NELL1: variants seen among roughly 807,000 people sequenced by gnomAD.
The protein encoded by NELL1 is protein kinase C-binding protein NELL1.
A neutral mutation model predicts 107.4 loss-of-function variants in NELL1; 76 were observed. The observed-to-expected ratio is 0.71, with a 90% CI of 0.59 to 0.86. The LOEUF (loss-of-function observed/expected upper bound fraction) is 0.86, where lower values mean the gene tolerates loss of function less well. NELL1 is among the 40% of genes least tolerant of loss of function. The pLI is 0.00. For synonymous variants in NELL1, 353 were observed against 341.2 expected, an observed-to-expected ratio of 1.03 and a Z score of -0.38; for missense variants, 1,024 against 1,005.5, an observed-to-expected ratio of 1.02 and a Z score of -0.25.
At chr11:20,844,025 A>G (rs1287435799) in intron 3 of NELL1, among the ~76,000 whole-genome samples, 1 of 152,206 alleles carries the variant, frequency 6.6e-6, no homozygotes, top group African/African-American at 2.4e-5. Flanking sequence ...TTTTGTGTTC[A>G]AGGTCTTGGG....
At chr11:21,196,244 C>T (rs1382678009) in intron 13 of NELL1, among the ~76,000 whole-genome samples, 2 of 152,132 alleles carry the variant, frequency 1.3e-5, no homozygotes, top group Admixed American at 6.6e-5. Context: ...ATGCCAGGCA[C>T]AGTGCTAAGC....
At chr11:20,848,356 G>A (rs1848738461) in intron 4 of NELL1, among the ~76,000 whole-genome samples, 1 of 152,162 alleles carries the variant, frequency 6.6e-6, no homozygotes, top group South Asian at 2.1e-4. Flanking sequence ...TTGGGTTGGG[G>A]TGGGATGGAA....
At chr11:21,395,080 A>G (rs1851953378) in intron 15 of NELL1, among the ~76,000 whole-genome samples, 1 of 151,582 alleles carries the variant, frequency 6.6e-6, no homozygotes, top group Non-Finnish European at 1.5e-5. Flanking sequence ...GTTAATAGCT[A>G]GCATGGACAA....
At chr11:20,673,351 C>A (rs951703358) in intron 1 of NELL1, among the ~76,000 whole-genome samples, 1 of 152,084 alleles carries the variant, frequency 6.6e-6, no homozygotes, top group Non-Finnish European at 1.5e-5. Context: ...GCCCAGGGGC[C>A]CAAACCTGAT....
chr11:20,764,525 T>C (rs1679056621), intron 2 of NELL1, among the ~76,000 whole-genome samples: 1 of 151,804 alleles, frequency 6.6e-6, no homozygotes, highest in Non-Finnish European at 1.5e-5. Flanking sequence ...GACCTGAGGC[T>C]GGGACACCAG....
intron 15 of NELL1, among the ~76,000 whole-genome samples, chr11:21,380,842 A>G (rs1162869307): frequency 6.6e-6 from 1 of 152,072 alleles, no homozygotes; most frequent in African/African-American, 2.4e-5. Flanking sequence ...ATAAAGATGC[A>G]GTCTAGTATA....
intron 14 of NELL1, among the ~76,000 whole-genome samples, chr11:21,303,299 A>C (rs1849538196): frequency 6.6e-6 from 1 of 152,150 alleles, no homozygotes; most frequent in Admixed American, 6.6e-5. Flanking sequence ...TTTAAGATAT[A>C]TTGCAAATTG....
chr11:21,429,355 TTTTC>T (rs1475446065), intron 15 of NELL1, among the ~76,000 whole-genome samples: 5 of 152,218 alleles, frequency 3.3e-5, no homozygotes, highest in African/African-American at 1.2e-4. Context: ...TTTTAACTGA[TTTTC>T]AATCAATCAA....
rs978955434 is a variant in NELL1, at chr11:21,296,463, T to A, written c.1549+67009T>A. Among the ~76,000 whole-genome samples, 4 of 151,968 alleles carry A rather than the reference T, an allele frequency of 2.6e-5. No individual in the cohort carries two copies. The South Asian group carries it at 8.3e-4, about 31-fold the overall frequency. On this transcript the variant is annotated intron_variant, in intron 14 of 19. Coordinates refer to ENST00000357134, the MANE Select transcript of NELL1 (RefSeq NM_006157.5). The stretch of plus-strand genomic sequence containing the variant: ...ATCTCTAATCATCAAGTTGTATACT[T>A]TAAATATATGGAATTTAAAATTATC...
At chr11:20,723,619 T>A (rs2133912144) in intron 2 of NELL1, among the ~76,000 whole-genome samples, 1 of 152,236 alleles carries the variant, frequency 6.6e-6, no homozygotes, top group East Asian at 1.9e-4. Flanking sequence ...TGAGTGCCTG[T>A]GGCTTTTCCA....
chr11:20,693,802 C>G (rs1854539065), intron 2 of NELL1, among the ~76,000 whole-genome samples: 1 of 151,980 alleles, frequency 6.6e-6, no homozygotes, highest in Non-Finnish European at 1.5e-5. Flanking sequence ...TTGTGGCGTT[C>G]TCTGTATTTC....
chr11:21,357,403 A>AGTGATGTTG (rs1195876594), intron 14 of NELL1, among the ~76,000 whole-genome samples: 4 of 152,204 alleles, frequency 2.6e-5, no homozygotes, highest in Non-Finnish European at 5.9e-5. Context: ...CCTGATAATT[A>AGTGATGTTG]GTGATGTTGA....
In NELL1 at chr11:20,968,727, C is replaced by T. The variant is rs142550627; in HGVS notation, c.1300+8167C>T. ...TTCAAATGGATGTTCCAGCTTAACA[C>T]GTGGCTCCCCTCAAAACCATGATTC... On this transcript the variant is annotated intron_variant, in intron 12 of 19. Coordinates refer to ENST00000357134, the MANE Select transcript of NELL1 (RefSeq NM_006157.5). Among the ~76,000 whole-genome samples the T allele has an allele frequency of 8.8e-3, 1,339 of 152,284 alleles. 18 individuals are homozygous for T. The highest frequency in any genetic ancestry group is 0.03 in the African/African-American group (1,226 of 41,548).
At chr11:21,190,860 T>A (rs538696613) in intron 13 of NELL1, among the ~76,000 whole-genome samples, 1 of 151,950 alleles carries the variant, frequency 6.6e-6, no homozygotes, top group African/African-American at 2.4e-5. Flanking sequence ...TTATGTTGCC[T>A]CAGTTTATTC....
intron 15 of NELL1, among the ~76,000 whole-genome samples, chr11:21,431,203 C>T (rs1852956606): frequency 6.6e-6 from 1 of 152,078 alleles, no homozygotes; most frequent in Non-Finnish European, 1.5e-5. Context: ...CCCATTTCAC[C>T]TTCTCAAAGA....
At chr11:20,708,205 T>A (rs1288482344) in intron 2 of NELL1, among the ~76,000 whole-genome samples, 1 of 152,248 alleles carries the variant, frequency 6.6e-6, no homozygotes, top group Non-Finnish European at 1.5e-5. Context: ...AGCACAGTAT[T>A]AGGGTGGGAG....
chr11:21,240,007 C>T (rs572085482), intron 14 of NELL1, among the ~76,000 whole-genome samples: 10 of 152,044 alleles, frequency 6.6e-5, no homozygotes, highest in Non-Finnish European at 1.2e-4. Flanking sequence ...CTCTGGCAAA[C>T]ATGAACCAAT....
intron 2 of NELL1, among the ~76,000 whole-genome samples, chr11:20,742,038 G>A (rs1386630186): frequency 2.6e-5 from 4 of 152,220 alleles, no homozygotes; most frequent in African/African-American, 7.2e-5. Context: ...GCAACAAAGG[G>A]TTAGAGGACA....
chr11:21,280,747 TATTTAAGTTTAATAAACTTAAATAACA>T (rs1202758726), intron 14 of NELL1, among the ~76,000 whole-genome samples: 1 of 152,186 alleles, frequency 6.6e-6, no homozygotes, highest in African/African-American at 2.4e-5. Flanking sequence ...AAATAATGTT[TATTTAAGTTTAATAAACTTAAATAACA>T]ATTTAAGTTC....
Sources: gnomAD v4.1 joint callset for allele counts (sites outside exome capture counted in the v4.1 genomes callset) on GRCh38, gnomAD v4.1.1 for gene constraint, MANE v1.5 for transcripts, NCBI Gene and HGNC (gene_info 2026-07-23, HGNC 2026-07-21) for gene names.